The following FRMD5 variants were observed in gnomAD, a reference collection of about 807,000 sequenced individuals.
The protein encoded by FRMD5 is FERM domain-containing protein 5.
FRMD5 carries 20 observed loss-of-function variants against 69.0 expected under a neutral mutation model. The ratio of observed to expected loss-of-function variants is 0.29; its 90% confidence interval spans 0.20 to 0.42. FRMD5 has a LOEUF of 0.42. FRMD5 is among the 10% of genes least tolerant of loss of function. The pLI is 1.00. For missense variants in FRMD5, 595 were observed against 708.6 expected (o/e 0.84, Z 1.82); for synonymous variants, 271 against 260.1 (o/e 1.04, Z -0.40).
At position 43,973,402 on chromosome 15, in the gene FRMD5, A is replaced by G. The variant is rs371550306; in HGVS notation, c.103-49093T>C. 4.8e-4 allele frequency among the ~76,000 whole-genome samples: 70 copies of G among 146,152 alleles called. 1 individual carries two copies. In the East Asian group the frequency reaches 9.0e-3, roughly 19 times the overall value. On this transcript the variant is annotated intron_variant, in intron 1 of 13. Coordinates refer to ENST00000417257, the MANE Select transcript of FRMD5 (RefSeq NM_032892.5). ...TTTTTTTGAGACAGAGTCTTGCTCT[A>G]TCTCACAGGCTGGAGTGCAATGGCA...
chr15:43,875,363 A>ATATATATATATATAT (rs1555465599), intron 13 of FRMD5, among the ~76,000 whole-genome samples: 1 of 105,348 alleles, frequency 9.5e-6, no homozygotes, highest in Non-Finnish European at 1.7e-5. Context: ...AAAAAAAAAA[A>ATATATATATATATAT]ATATATATAT....
intron 1 of FRMD5, among the ~76,000 whole-genome samples, chr15:44,046,169 T>C (rs1242193791): frequency 6.6e-6 from 1 of 152,164 alleles, no homozygotes; most frequent in Non-Finnish European, 1.5e-5. Context: ...TTGAAGAAGA[T>C]GGAGTGATGT....
rs483165 is a variant in FRMD5 at position 43,898,645 on chromosome 15, G to A, written c.639+3530C>T. Among the ~76,000 whole-genome samples, 349 of 152,348 alleles carry A rather than the reference G, an allele frequency of 2.3e-3. 1 individual carries two copies. Among genetic ancestry groups the A allele is most frequent in the African/African-American group, 7.3e-3 (304 of 41,578 alleles). ...CCAGTCTCAGGGCTACCTGGATGGA[G>A]CAAGATGGTGGCTCCTGAAGTTGGA... On this transcript the variant is annotated intron_variant, in intron 7 of 13. Transcript: ENST00000417257.
intron 1 of FRMD5, among the ~76,000 whole-genome samples, chr15:44,159,517 G>C (rs1210532826): frequency 6.6e-6 from 1 of 152,170 alleles, no homozygotes; most frequent in Admixed American, 6.5e-5. Flanking sequence ...TTCCAAGACA[G>C]CAAGAAAGAA....
At chr15:43,919,615 A>C in intron 3 of FRMD5, 78 bp from the exon 4 acceptor site, 1 of 1,485,120 alleles carries the variant, frequency 6.7e-7, no homozygotes, top group Non-Finnish European at 9.4e-7. Flanking sequence ...ACTAGCATGA[A>C]GCAGCAGAAG....
intron 2 of FRMD5, 107 bp downstream of exon 2, chr15:43,924,098 G>A (rs2089541368): frequency 4.7e-6 from 4 of 856,628 alleles, no homozygotes; most frequent in South Asian, 4.3e-5. Context: ...GCAGGGTCTG[G>A]TTGGTCCCTG....
chr15:44,175,995 A>G (rs1350098262), intron 1 of FRMD5, among the ~76,000 whole-genome samples: 1 of 152,202 alleles, frequency 6.6e-6, no homozygotes, highest in East Asian at 1.9e-4. Context: ...ACTTCGTATC[A>G]AAATTCCACC....
At chr15:44,093,716 G>T (rs966505638) in intron 1 of FRMD5, among the ~76,000 whole-genome samples, 1 of 151,862 alleles carries the variant, frequency 6.6e-6, no homozygotes, top group South Asian at 2.1e-4. Flanking sequence ...GGGACTACAG[G>T]TGCCCTCCAC....
intron 8 of FRMD5, 87 bp from the exon 9 acceptor site, chr15:43,888,959 G>A (rs1297701662): frequency 1.8e-6 from 2 of 1,133,230 alleles, no homozygotes; most frequent in African/African-American, 3.1e-5. Context: ...CACCCCAACT[G>A]GAAGGGGCTC....
chr15:44,156,545 C>G (rs2077531379), intron 1 of FRMD5, among the ~76,000 whole-genome samples: 1 of 152,160 alleles, frequency 6.6e-6, no homozygotes, highest in African/African-American at 2.4e-5. Context: ...CTAAACATCC[C>G]TTAAAACATG....
At chr15:44,168,622 G>A (rs552301803) in intron 1 of FRMD5, among the ~76,000 whole-genome samples, 2 of 151,954 alleles carry the variant, frequency 1.3e-5, no homozygotes, top group East Asian at 3.9e-4. Flanking sequence ...ATAATAAACT[G>A]TATCTTTATT....
intron 1 of FRMD5, among the ~76,000 whole-genome samples, chr15:44,043,424 C>T (rs1387504924): frequency 2.0e-5 from 3 of 152,148 alleles, no homozygotes; most frequent in Non-Finnish European, 4.4e-5. Flanking sequence ...GAAAAAACTA[C>T]TTTAACTTTC....
chr15:44,088,730 T>C (rs981189766), intron 1 of FRMD5, among the ~76,000 whole-genome samples: 4 of 152,220 alleles, frequency 2.6e-5, no homozygotes, highest in African/African-American at 9.6e-5. Context: ...TGCTCTCCTT[T>C]AATTGTCACA....
chr15:43,965,576 CTTTTTTTTTTTTTT>C (rs35986581), intron 1 of FRMD5, among the ~76,000 whole-genome samples: 1 of 110,408 alleles, frequency 9.1e-6, no homozygotes, highest in African/African-American at 3.4e-5. Context: ...TTTAAAAAGT[CTTTTTTTTTTTTTT>C]TTTTTTTTGA....
chr15:44,022,020 G>A (rs1891229132), intron 1 of FRMD5, among the ~76,000 whole-genome samples: 1 of 152,042 alleles, frequency 6.6e-6, no homozygotes, highest in Non-Finnish European at 1.5e-5. Context: ...TATGCTAAGT[G>A]AAATAAGCCA....
chr15:43,873,902 G>A lies in FRMD5; in HGVS notation c.1696C>T (p.Leu566=). The A allele has an allele frequency of 6.2e-7, 1 of 1,614,034 alleles. No homozygotes were observed. Among genetic ancestry groups the A allele is most frequent in the Non-Finnish European group, 8.5e-7 (1 of 1,179,970 alleles). The change falls in exon 14 of 14, where the codon CTG becomes TTG. Residue 566 remains leucine, a synonymous_variant. Coordinates refer to ENST00000417257, the MANE Select transcript of FRMD5 (RefSeq NM_032892.5). ...FACKIRSVVS[L]LIDT The stretch of plus-strand genomic sequence containing the variant: ...ATGCCTTCTCAGGTGTCAATGAGCA[G>A]GCTCACCACTGAGCGGATTTTGCAG...
chr15:44,083,356 A>C (rs533803929), intron 1 of FRMD5, among the ~76,000 whole-genome samples: 1 of 152,142 alleles, frequency 6.6e-6, no homozygotes, highest in East Asian at 1.9e-4. Context: ...ACAAGGATCA[A>C]GATTAGATTT....
intron 1 of FRMD5, among the ~76,000 whole-genome samples, chr15:44,071,813 T>A (rs773827216): frequency 2.6e-5 from 4 of 152,224 alleles, no homozygotes; most frequent in Admixed American, 2.0e-4. Flanking sequence ...AAAATATTTT[T>A]AAAATCGTTT....
chr15:43,937,438 G>A (rs1375581362), intron 1 of FRMD5, among the ~76,000 whole-genome samples: 2 of 151,938 alleles, frequency 1.3e-5, no homozygotes, highest in African/African-American at 4.8e-5. Flanking sequence ...GGGAGTTCAA[G>A]ACCAGCCTGG....
Sources: gnomAD v4.1 joint callset for allele counts (sites outside exome capture counted in the v4.1 genomes callset) on GRCh38, gnomAD v4.1.1 for gene constraint, MANE v1.5 for transcripts, NCBI Gene and HGNC (gene_info 2026-07-23, HGNC 2026-07-21) for gene names.